Variants in KCNMA1 observed in about 807,000 individuals in gnomAD.
The protein encoded by KCNMA1 is potassium calcium-activated channel subfamily M alpha 1, also known as Calcium-activated potassium channel subunit alpha-1.
KCNMA1 carries 29 observed loss-of-function variants against 140.0 expected under a neutral mutation model. The observed-to-expected ratio is 0.21, with a 90% CI of 0.15 to 0.28. The LOEUF (loss-of-function observed/expected upper bound fraction) is 0.28. Ranked by LOEUF, KCNMA1 falls within the 10% of genes least tolerant of loss-of-function variation. The probability of loss-of-function intolerance (pLI) is 1.00; values close to 1 mark genes in which losing one functional copy is unlikely to be tolerated. For missense variants in KCNMA1, 880 were observed against 1,602.2 expected, an observed-to-expected ratio of 0.55 and a Z score of 7.70; for synonymous variants, 612 against 611.9, an observed-to-expected ratio of 1.00 and a Z score of 0.00.
At chr10:77,112,493 G>T (rs757382980) in intron 6 of KCNMA1, 51 bp from the exon 7 acceptor site, 1 of 1,425,858 alleles carries the variant, frequency 7.0e-7, no homozygotes, top group Non-Finnish European at 9.9e-7. Flanking sequence ...GGAAGGCCCT[G>T]CTGGGGCTGC....
intron 3 of KCNMA1, among the ~76,000 whole-genome samples, chr10:77,227,964 A>ATTTT (rs10642363): frequency 3.0e-4 from 41 of 136,082 alleles, no homozygotes; most frequent in Non-Finnish European, 4.0e-4. Flanking sequence ...ATTTAATTTA[A>ATTTT]TTTTTTTTTT....
At chr10:77,172,708 A>AC (rs1212733683) in intron 5 of KCNMA1, among the ~76,000 whole-genome samples, 3 of 152,064 alleles carry the variant, frequency 2.0e-5, no homozygotes, top group African/African-American at 4.8e-5. Context: ...AAAACAAAAA[A>AC]AAAAAAGCTC....
chr10:77,338,857 G>A (rs2090049613), intron 2 of KCNMA1, among the ~76,000 whole-genome samples: 1 of 152,180 alleles, frequency 6.6e-6, no homozygotes, highest in African/African-American at 2.4e-5. Context: ...TACCTAACAG[G>A]TGCTCAAGAA....
intron 5 of KCNMA1, among the ~76,000 whole-genome samples, chr10:77,134,151 G>A (rs960838768): frequency 4.6e-5 from 7 of 152,158 alleles, no homozygotes; most frequent in African/African-American, 1.4e-4. Context: ...TATATTATTA[G>A]CCCTCTGAAA....
intron 1 of KCNMA1, among the ~76,000 whole-genome samples, chr10:77,526,167 A>G (rs1293970507): frequency 1.3e-5 from 2 of 152,190 alleles, no homozygotes; most frequent in Non-Finnish European, 2.9e-5. Context: ...AGTAGGGTGA[A>G]GAAAAGAAAG....
At chr10:77,097,051 C>T (rs1319180561) in intron 9 of KCNMA1, among the ~76,000 whole-genome samples, 3 of 152,080 alleles carry the variant, frequency 2.0e-5, no homozygotes, top group African/African-American at 7.2e-5. Context: ...ACGTTTGCCC[C>T]CCTAGGTTGA....
intron 1 of KCNMA1, among the ~76,000 whole-genome samples, chr10:77,633,195 G>T (rs184816331): frequency 6.6e-6 from 1 of 152,246 alleles, no homozygotes; most frequent in East Asian, 1.9e-4. Context: ...TGCGCCTGTA[G>T]TCCCAGCTAC....
intron 1 of KCNMA1, among the ~76,000 whole-genome samples, chr10:77,420,686 A>G (rs1189485868): frequency 6.7e-6 from 1 of 149,568 alleles, no homozygotes; most frequent in African/African-American, 2.4e-5. Context: ...ATCAATATTT[A>G]TTAATATATC....
chr10:76,979,475 T>C (rs1434755821), intron 19 of KCNMA1: 1 of 152,180 alleles, frequency 6.6e-6, no homozygotes, highest in Non-Finnish European at 1.5e-5. Context: ...TTTCTTTTTC[T>C]TTCCCCCCAC....
intron 2 of KCNMA1, among the ~76,000 whole-genome samples, chr10:77,268,075 G>A (rs140843116): frequency 6.6e-6 from 1 of 152,264 alleles, no homozygotes; most frequent in East Asian, 1.9e-4. Context: ...CAAGTGCCCT[G>A]AGTAGATGCC....
intron 1 of KCNMA1, among the ~76,000 whole-genome samples, chr10:77,630,471 C>T (rs966651905): frequency 8.5e-5 from 13 of 152,174 alleles, no homozygotes; most frequent in African/African-American, 2.9e-4. Flanking sequence ...GGAGCAGGCA[C>T]CTGGACCATC....
At chr10:77,019,225 G>T in intron 16 of KCNMA1, 126 bp from the exon 17 acceptor site, 2 of 685,064 alleles carry the variant, frequency 2.9e-6, no homozygotes, top group South Asian at 3.1e-5. Context: ...TTTCCCCAAA[G>T]ATTTTGTCCA....
chr10:76,961,918 T>A (rs1289772475), intron 20 of KCNMA1, among the ~76,000 whole-genome samples: 4 of 152,244 alleles, frequency 2.6e-5, no homozygotes, highest in Admixed American at 2.6e-4. Context: ...ATTCACTTTG[T>A]TGTGGTGGTC....
intron 1 of KCNMA1, among the ~76,000 whole-genome samples, chr10:77,431,871 T>C (rs2097162024): frequency 6.6e-6 from 1 of 151,960 alleles, no homozygotes; most frequent in Non-Finnish European, 1.5e-5. Context: ...TGCACACCTG[T>C]AGTCCCAGCT....
In KCNMA1 at chr10:77,508,581, CT is replaced by C. The variant is rs761735012; in HGVS notation, c.379-104559del. 2.0e-3 allele frequency among the ~76,000 whole-genome samples: 195 copies of C among 99,868 alleles called. 1 individual carries two copies. Among genetic ancestry groups the C allele is most frequent in the East Asian group, 5.9e-3 (16 of 2,722 alleles). The allele number at this position is 99,868 out of a possible 152,430, so 65.5% of individuals were successfully genotyped here. A position where few individuals can be genotyped will look rare whatever the true frequency, so the allele number is the denominator to read the frequency against. ...TTCCTTTTTCTTTTTTTTTTCTTTT[CT>C]TTTTTTTTTTTTTTTTGTAGAGGTG... On this transcript the variant is annotated intron_variant, in intron 1 of 27. Coordinates refer to ENST00000286628, the MANE Select transcript of KCNMA1 (RefSeq NM_001161352.2).
chr10:77,544,519 T>C (rs1376975052), intron 1 of KCNMA1, among the ~76,000 whole-genome samples: 3 of 152,166 alleles, frequency 2.0e-5, no homozygotes, highest in Non-Finnish European at 4.4e-5. Flanking sequence ...GCAACTTCAA[T>C]TTTACAGGAC....
intron 1 of KCNMA1, among the ~76,000 whole-genome samples, chr10:77,406,557 G>A (rs983542091): frequency 1.3e-5 from 2 of 152,098 alleles, no homozygotes; most frequent in African/African-American, 2.4e-5. Flanking sequence ...AAGATGTCAG[G>A]CACTTCTGAT....
intron 1 of KCNMA1, among the ~76,000 whole-genome samples, chr10:77,426,102 T>C (rs1187894241): frequency 6.6e-6 from 1 of 152,188 alleles, no homozygotes; most frequent in African/African-American, 2.4e-5. Flanking sequence ...AAAATGAGCA[T>C]ATGAGTCCCA....
intron 2 of KCNMA1, among the ~76,000 whole-genome samples, chr10:77,346,072 C>T (rs1448065998): frequency 6.6e-6 from 1 of 152,144 alleles, no homozygotes; most frequent in Non-Finnish European, 1.5e-5. Context: ...TCATGGTAAA[C>T]GTTGCTTTAA....
Sources: allele counts gnomAD v4.1 joint callset (sites outside exome capture counted in the v4.1 genomes callset), GRCh38; gene constraint gnomAD v4.1.1; transcripts MANE v1.5; gene names NCBI Gene and HGNC (gene_info 2026-07-23, HGNC 2026-07-21).